The following MRGPRX3 variants were observed in gnomAD, a reference collection of about 807,000 sequenced individuals.
The protein encoded by MRGPRX3 is mas-related G protein-coupled receptor member X3.
Under a neutral mutation model 16.5 loss-of-function variants are expected in MRGPRX3, and 14 were observed. That is an observed-to-expected ratio of 0.85 (90% CI 0.56 to 1.33). The LOEUF is 1.33. Among genes scored for constraint, MRGPRX3 ranks in the 40% most tolerant of loss-of-function variants. The pLI, the probability that MRGPRX3 is intolerant of heterozygous loss-of-function variation, is 0.00. For synonymous variants in MRGPRX3, 199 were observed against 180.1 expected (o/e 1.10, Z -0.84); for missense variants, 449 against 413.0 (o/e 1.09, Z -0.76).
At chr11:18,129,852 C>G (rs903029215), upstream of MRGPRX3, among the ~76,000 whole-genome samples, 4 of 152,122 alleles carry the variant, frequency 2.6e-5, no homozygotes, top group Non-Finnish European at 4.4e-5. Flanking sequence ...GGGTTTCATA[C>G]CAGGGGTGCA....
At chr11:18,128,562 T>C (rs1020432340), upstream of MRGPRX3, among the ~76,000 whole-genome samples, 18 of 152,176 alleles carry the variant, frequency 1.2e-4, no homozygotes, top group Non-Finnish European at 2.4e-4. Flanking sequence ...TCCATGGGCA[T>C]AGGACCCTCC....
At chr11:18,123,746 G>A (rs1044163830) in intron 1 of MRGPRX3, among the ~76,000 whole-genome samples, 1 of 152,174 alleles carries the variant, frequency 6.6e-6, no homozygotes, top group Non-Finnish European at 1.5e-5. Flanking sequence ...TAGCTTGATG[G>A]GGATGGCATT....
intron 1 of MRGPRX3, among the ~76,000 whole-genome samples, chr11:18,127,179 C>G (rs536451881): frequency 6.6e-6 from 1 of 152,210 alleles, no homozygotes; most frequent in African/African-American, 2.4e-5. Flanking sequence ...GGTAACCTGA[C>G]CTTTCTCTCT....
Position 18,137,876 on chromosome 11 carries a change from T to A in MRGPRX3, c.674T>A (p.Phe225Tyr). 6.2e-7 allele frequency: 1 copy of A among 1,614,230 alleles called. No homozygotes were observed. Among genetic ancestry groups the A allele is most frequent in the South Asian group, 1.1e-5 (1 of 91,088 alleles). The change falls in exon 2 of 2, where the codon TTC (phenylalanine) becomes TAC (tyrosine). Residue 225 changes from phenylalanine to tyrosine, a missense_variant. Coordinates refer to ENST00000621697, the MANE Select transcript of MRGPRX3 (RefSeq NM_001370464.1). ...ACCATCCTCCTCACAGTGCTGGTCT[T>A]CCTCCTCTGTGGCCTGCCCTTTGGC... Reference protein sequence around the residue: ...YVTILLTVLVFLLCGLPFGIQ... With the variant: ...YVTILLTVLVYLLCGLPFGIQ...
chr11:18,130,025 T>C (rs1284608740), upstream of MRGPRX3, among the ~76,000 whole-genome samples: 18 of 152,190 alleles, frequency 1.2e-4, no homozygotes, highest in Non-Finnish European at 1.8e-4. Context: ...AGAAAGGACA[T>C]ACCTTAATGT....
chr11:18,122,676 A>T (rs992829513), intron 1 of MRGPRX3, among the ~76,000 whole-genome samples: 4 of 152,162 alleles, frequency 2.6e-5, no homozygotes, highest in African/African-American at 9.7e-5. Flanking sequence ...TAGCAGGGTG[A>T]TTTATAATCC....
In MRGPRX3 at chr11:18,123,729, G is replaced by T. The variant is rs542817577; in HGVS notation, c.-152+2565G>T. On this transcript the variant is annotated intron_variant, in intron 1 of 2. Transcript: ENST00000396275. Reference sequence around the variant, plus strand: ...GTTTTTTCCAATTCTGTGAAGAAAGGCATTGGTAGCTTGATGGGGATGGCA... The same window carrying T: ...GTTTTTTCCAATTCTGTGAAGAAAGTCATTGGTAGCTTGATGGGGATGGCA... 2.6e-4 allele frequency among the ~76,000 whole-genome samples: 40 copies of T among 152,184 alleles called. No individual in the cohort carries two copies. In the South Asian group the frequency reaches 5.2e-3, roughly 20 times the overall value.
intron 1 of MRGPRX3, among the ~76,000 whole-genome samples, chr11:18,121,951 A>T (rs1213952454): frequency 6.6e-6 from 1 of 151,076 alleles, no homozygotes; most frequent in Non-Finnish European, 1.5e-5. Context: ...TTGTCCTATG[A>T]CCCTGCCAAA....
chr11:18,135,297 G>A (rs1197573153), intron 1 of MRGPRX3, among the ~76,000 whole-genome samples: 5 of 152,200 alleles, frequency 3.3e-5, no homozygotes, highest in Non-Finnish European at 1.5e-5. Flanking sequence ...CGGGTTTCAT[G>A]AGGAAGACAA....
chr11:18,137,001 C>T (rs111620993), intron 1 of MRGPRX3, among the ~76,000 whole-genome samples, 177 bp from the exon 2 acceptor site: 3,110 of 152,246 alleles, frequency 0.02, 123 homozygotes, highest in African/African-American at 0.071. Flanking sequence ...GCTTCAGAGT[C>T]AACAAGAACT....
intron 1 of MRGPRX3, among the ~76,000 whole-genome samples, chr11:18,123,134 G>T (rs1369806175): frequency 6.6e-6 from 1 of 152,164 alleles, no homozygotes; most frequent in African/African-American, 2.4e-5. Flanking sequence ...CCATTCTGTA[G>T]GTTGCCTGTT....
At chr11:18,125,077 C>A (rs1848878905) in intron 1 of MRGPRX3, among the ~76,000 whole-genome samples, 1 of 106,082 alleles carries the variant, frequency 9.4e-6, no homozygotes, top group Admixed American at 1.2e-4. Context: ...ATTCTTCTCT[C>A]TTTTCTTCTT....
chr11:18,133,063 C>T (rs1236118595), intron 1 of MRGPRX3, among the ~76,000 whole-genome samples: 1 of 152,206 alleles, frequency 6.6e-6, no homozygotes, highest in Non-Finnish European at 1.5e-5. Context: ...CAGAGTTGAA[C>T]TGCTATAGAG....
rs780641792 is a variant in MRGPRX3, at chr11:18,137,985, C to T, written c.783C>T (p.Ser261=). Residue 261 remains serine, a synonymous_variant, in exon 2 of 2, where the codon TCC becomes TCT. Transcript: ENST00000621697. ...TGCATCTAGTTTCCATTTTCCTGTC[C>T]GCTCTTAACAGCAGTGCCAACCCCA... ...CHVHLVSIFL[S]ALNSSANPII... is the part of the protein sequence containing the mutation. 2.5e-5 allele frequency: 41 copies of T among 1,613,968 alleles called. No homozygotes were observed. In the Admixed American group the frequency reaches 3.5e-4, roughly 14 times the overall value.
upstream of MRGPRX3, among the ~76,000 whole-genome samples, chr11:18,130,426 A>C (rs1183765708): frequency 1.3e-5 from 2 of 152,180 alleles, no homozygotes; most frequent in African/African-American, 4.8e-5. Context: ...AAACACTTTT[A>C]CAATAGCTGT....
At position 18,137,228 on chromosome 11, in the gene MRGPRX3, G is replaced by A; in HGVS notation, c.26G>A (p.Gly9Asp). ...ATGGATTCAACCATCCCAGTCTTGG[G>A]TACAGAACTGACACCAATCAACGGA... The part of the protein sequence containing the change: MDSTIPVL[G>D]TELTPINGRE... Residue 9 changes from glycine to aspartate, a missense_variant, in exon 2 of 2, where the codon GGT (glycine) becomes GAT (aspartate). By Grantham distance (94) the Gly-to-Asp change is moderately conservative. Coordinates refer to ENST00000621697, the MANE Select transcript of MRGPRX3 (RefSeq NM_001370464.1). The A allele has an allele frequency of 1.2e-6, 2 of 1,608,376 alleles. No homozygotes were observed. The highest frequency in any genetic ancestry group is 8.5e-7 in the Non-Finnish European group (1 of 1,176,492).
chr11:18,134,882 C>G lies in MRGPRX3; in HGVS notation c.-26+2143C>G, dbSNP rs1848994792. 2.6e-5 allele frequency among the ~76,000 whole-genome samples: 4 copies of G among 152,192 alleles called. No homozygotes were observed. In the South Asian group the frequency reaches 8.3e-4, roughly 32 times the overall value. Reference sequence around the variant, plus strand: ...GGATGTCATCCAGCATCAAGGAAAACTGGGATGTGGGTCCTTGTGCTGCTT... The same window carrying G: ...GGATGTCATCCAGCATCAAGGAAAAGTGGGATGTGGGTCCTTGTGCTGCTT... On this transcript the variant is annotated intron_variant, in intron 1 of 1. Coordinates refer to ENST00000621697, the MANE Select transcript of MRGPRX3 (RefSeq NM_001370464.1).
chr11:18,134,492 C>T (rs1322184320), intron 1 of MRGPRX3, among the ~76,000 whole-genome samples: 2 of 152,160 alleles, frequency 1.3e-5, no homozygotes, highest in Non-Finnish European at 2.9e-5. Flanking sequence ...TTTAATGTAT[C>T]TGGGAGAAAG....
intron 1 of MRGPRX3, among the ~76,000 whole-genome samples, chr11:18,121,863 G>A (rs560962910): frequency 1.1e-3 from 164 of 152,102 alleles, no homozygotes; most frequent in Middle Eastern, 3.4e-3. Context: ...CAAACACTGC[G>A]GAAGGCCTCA....
Sources: gnomAD v4.1 joint callset for allele counts (sites outside exome capture counted in the v4.1 genomes callset) on GRCh38, gnomAD v4.1.1 for gene constraint, MANE v1.5 for transcripts, NCBI Gene and HGNC (gene_info 2026-07-23, HGNC 2026-07-21) for gene names.